The following SERGEF variants were observed in gnomAD, a reference collection of about 807,000 sequenced individuals.
SERGEF encodes secretion-regulating guanine nucleotide exchange factor.
In SERGEF, 51 loss-of-function variants were observed where a neutral mutation model predicts 50.0. That is an observed-to-expected ratio of 1.02 (90% confidence interval 0.81 to 1.29). The LOEUF is 1.29. Among genes scored for constraint, SERGEF ranks in the 50% most tolerant of loss-of-function variants. The pLI is 0.00. For synonymous variants in SERGEF, 205 were observed against 212.4 expected (o/e 0.97, Z 0.30); for missense variants, 521 against 557.0 (o/e 0.94, Z 0.65).
chr11:17,891,173 CAA>C (rs968243637), intron 9 of SERGEF, among the ~76,000 whole-genome samples: 1 of 152,002 alleles, frequency 6.6e-6, no homozygotes, highest in Admixed American at 6.6e-5. Context: ...GCTCTGGACT[CAA>C]CGAGATGAAC....
At chr11:17,960,052 C>CA (rs1852966196) in intron 8 of SERGEF, among the ~76,000 whole-genome samples, 1 of 152,182 alleles carries the variant, frequency 6.6e-6, no homozygotes, top group African/African-American at 2.4e-5. Context: ...CCCAGGGCCC[C>CA]ATTTAGCCAC....
intron 5 of SERGEF, chr11:17,999,604 A>G (rs1011941004): frequency 5.3e-5 from 24 of 455,946 alleles, no homozygotes; most frequent in Middle Eastern, 3.3e-4. Context: ...AGCAGAAAAA[A>G]TGAAAAGGGG....
At chr11:17,998,444 T>TAC (rs1590242866) in intron 5 of SERGEF, among the ~76,000 whole-genome samples, 4 of 5,276 alleles carry the variant, frequency 7.6e-4, no homozygotes, top group Admixed American at 2.3e-3. Context: ...TACATACATA[T>TAC]ATATATATAT....
intron 7 of SERGEF, 139 bp from the exon 8 acceptor site, chr11:17,988,894 G>T (rs1218940484): frequency 2.7e-6 from 2 of 735,586 alleles, no homozygotes; most frequent in Non-Finnish European, 4.1e-6. Flanking sequence ...AGCCAAGCAG[G>T]TTACAAAATT....
intron 8 of SERGEF, among the ~76,000 whole-genome samples, chr11:17,971,084 C>T (rs1427104515): frequency 1.3e-5 from 2 of 152,016 alleles, no homozygotes; most frequent in African/African-American, 4.8e-5. Context: ...ATCCCAGCTA[C>T]TTGGGAAGCT....
At chr11:17,843,246 G>A (rs1432294666) in intron 10 of SERGEF, among the ~76,000 whole-genome samples, 5 of 152,086 alleles carry the variant, frequency 3.3e-5, no homozygotes, top group Non-Finnish European at 7.4e-5. Context: ...GTCATCCTCT[G>A]CGGCCTGGCT....
At chr11:17,977,460 C>A (rs779770342) in intron 8 of SERGEF, among the ~76,000 whole-genome samples, 1 of 152,096 alleles carries the variant, frequency 6.6e-6, no homozygotes, top group Non-Finnish European at 1.5e-5. Context: ...CCACCAGCCA[C>A]CACTCCCTAA....
chr11:17,821,534 T>C (rs1358065990), intron 10 of SERGEF, among the ~76,000 whole-genome samples: 1 of 152,188 alleles, frequency 6.6e-6, no homozygotes, highest in Non-Finnish European at 1.5e-5. Flanking sequence ...ATGAATTAAT[T>C]GCAGTTCCTC....
intron 2 of SERGEF, 46 bp downstream of exon 2, chr11:18,007,895 G>A (rs758820533): frequency 1.9e-5 from 30 of 1,565,932 alleles, no homozygotes; most frequent in African/African-American, 9.5e-5. Flanking sequence ...AGGGGAAAAC[G>A]TCTAAATAAG....
intron 10 of SERGEF, among the ~76,000 whole-genome samples, chr11:17,857,407 T>C (rs985598586): frequency 6.6e-6 from 1 of 152,200 alleles, no homozygotes; most frequent in African/African-American, 2.4e-5. Flanking sequence ...TTCTCCCCGC[T>C]CTGAAAAGCA....
chr11:17,894,890 T>A (rs1290654542), intron 9 of SERGEF, among the ~76,000 whole-genome samples: 3 of 152,118 alleles, frequency 2.0e-5, no homozygotes, highest in African/African-American at 7.2e-5. Context: ...TCCCAAAACA[T>A]CACAGGCAGA....
chr11:17,965,355 C>T (rs974692952), intron 8 of SERGEF, among the ~76,000 whole-genome samples: 6 of 152,178 alleles, frequency 3.9e-5, no homozygotes, highest in Admixed American at 6.5e-5. Flanking sequence ...AACCTCTTTT[C>T]TTTATAAATT....
chr11:17,905,448 C>A (rs1293184899), intron 9 of SERGEF, among the ~76,000 whole-genome samples: 1 of 152,218 alleles, frequency 6.6e-6, no homozygotes, highest in African/African-American at 2.4e-5. Flanking sequence ...TCCTACCAAG[C>A]ATTCTTGGGG....
chr11:17,894,734 G>A (rs2133913782), intron 9 of SERGEF, among the ~76,000 whole-genome samples: 1 of 152,252 alleles, frequency 6.6e-6, no homozygotes, highest in East Asian at 1.9e-4. Context: ...AATGCTAAAT[G>A]AATGACACTG....
intron 10 of SERGEF, among the ~76,000 whole-genome samples, chr11:17,845,024 C>T (rs1850580540): frequency 6.6e-6 from 1 of 152,102 alleles, no homozygotes; most frequent in Non-Finnish European, 1.5e-5. Flanking sequence ...GCTCGCTGCC[C>T]GTGGGTTAGC....
intron 9 of SERGEF, chr11:17,926,708 T>C: frequency 4.4e-6 from 2 of 455,648 alleles, no homozygotes; most frequent in Non-Finnish European, 8.8e-6. Context: ...CCCCACCTAA[T>C]AAACCGTTTC....
intron 9 of SERGEF, among the ~76,000 whole-genome samples, chr11:17,902,344 A>C (rs1040117233): frequency 6.6e-6 from 1 of 152,232 alleles, no homozygotes. Context: ...AAGATCACTA[A>C]GAGGCTGCTA....
intron 8 of SERGEF, among the ~76,000 whole-genome samples, chr11:17,963,382 AAAAAAAAAAAAAAT>A (rs1418531705): frequency 4.1e-5 from 6 of 148,022 alleles, no homozygotes; most frequent in African/African-American, 7.6e-5. Flanking sequence ...AAAAAAAAAA[AAAAAAAAAAAAAAT>A]TTTTTTTTTG....
chr11:17,893,756 A>G (rs1386972911), intron 9 of SERGEF, among the ~76,000 whole-genome samples: 2 of 152,190 alleles, frequency 1.3e-5, no homozygotes, highest in Non-Finnish European at 2.9e-5. Flanking sequence ...CAGCCTTGAG[A>G]TCAGAAGGCT....
Sources: gnomAD v4.1 joint callset for allele counts (sites outside exome capture counted in the v4.1 genomes callset) on GRCh38, gnomAD v4.1.1 for gene constraint, MANE v1.5 for transcripts, NCBI Gene and HGNC (gene_info 2026-07-23, HGNC 2026-07-21) for gene names.